Variants in PPP1R15B observed in about 807,000 individuals in gnomAD.
The protein encoded by PPP1R15B is protein phosphatase 1, regulatory (inhibitor) subunit 15B.
PPP1R15B carries 31 observed loss-of-function variants against 53.9 expected under a neutral mutation model. That is an observed-to-expected ratio of 0.58 (90% CI 0.43 to 0.78). The LOEUF (loss-of-function observed/expected upper bound fraction) is 0.78, where lower values mean the gene tolerates loss of function less well. Ranked by LOEUF, PPP1R15B falls within the 30% of genes least tolerant of loss-of-function variation. The pLI is 0.00. For missense variants in PPP1R15B, 928 were observed against 849.6 expected (o/e 1.09, Z -1.15); for synonymous variants, 345 against 329.1 (o/e 1.05, Z -0.52).
Position 204,411,289 on chromosome 1 carries a change from G to C in PPP1R15B, c.123C>G (p.Gly41=), listed in dbSNP as rs375090855. The part of the protein sequence containing the change: ...AGSSKFPTPL[G]PENSGNPTLL... Reference sequence around the variant, plus strand: ...GTGTGGGGTTCCCGGAGTTTTCCGGGCCAAGAGGCGTCGGGAACTTAGAAG... The same window carrying C: ...GTGTGGGGTTCCCGGAGTTTTCCGGCCCAAGAGGCGTCGGGAACTTAGAAG... The change falls in exon 1 of 2, where the codon GGC becomes GGG. Residue 41 remains glycine, a synonymous_variant. Transcript: ENST00000367188. 1 of 1,614,216 alleles carries C rather than the reference G, an allele frequency of 6.2e-7. No homozygotes were observed.
Position 204,410,114 on chromosome 1 carries a change from G to A in PPP1R15B, c.1298C>T (p.Ala433Val), listed in dbSNP as rs1674339437. 6.2e-7 allele frequency: 1 copy of A among 1,614,026 alleles called. No individual in the cohort carries two copies. Among genetic ancestry groups the A allele is most frequent in the South Asian group, 1.1e-5 (1 of 91,080 alleles). The stretch of plus-strand genomic sequence containing the variant: ...AGAACTTGTTTCCAGGTCACTGGAT[G>A]CACCTCCCAAAATATAATCTATCAG... ...NKLIDYILGG[A>V]SSDLETSSDP... is the part of the protein sequence containing the mutation. The change falls in exon 1 of 2, where the codon GCA becomes GTA. Residue 433 changes from alanine to valine, a missense_variant. Transcript: ENST00000367188.
At chr1:204,398,228 G>A (rs1000888201), downstream of PPP1R15B, among the ~76,000 whole-genome samples, 15 of 152,104 alleles carry the variant, frequency 9.9e-5, no homozygotes, top group East Asian at 1.9e-4. Flanking sequence ...CTGTAATCGC[G>A]ACACTTTGGG....
At chr1:204,406,909 C>T (rs1456874880) in intron 1 of PPP1R15B, among the ~76,000 whole-genome samples, 1 of 150,958 alleles carries the variant, frequency 6.6e-6, no homozygotes, top group African/African-American at 2.5e-5. Context: ...CCCCCCAATC[C>T]CCCACCAGCC....
downstream of PPP1R15B, among the ~76,000 whole-genome samples, chr1:204,401,813 C>T (rs1043045345): frequency 6.6e-6 from 1 of 152,092 alleles, no homozygotes; most frequent in Non-Finnish European, 1.5e-5. Context: ...CCCAGCTACT[C>T]AGAAGGCTGA....
Position 204,406,114 on chromosome 1 carries a change from A to C in PPP1R15B, c.2120T>G (p.Leu707Arg). The part of the protein sequence containing the change: ...NRLQGTCFKG[L>R]NVLKQC ...AACTCAACATTGCTTGAGAACATTA[A>C]GTCCTTTGAAGCATGTTCCCTGGAG... Residue 707 changes from leucine (L) to arginine (R), a missense_variant, in exon 2 of 2, where the codon CTT becomes CGT. Coordinates refer to ENST00000367188, the MANE Select transcript of PPP1R15B (RefSeq NM_032833.5). 1 of 1,614,136 alleles carries C rather than the reference A, an allele frequency of 6.2e-7. No individual in the cohort carries two copies. The highest frequency in any genetic ancestry group is 8.5e-7 in the Non-Finnish European group (1 of 1,180,016).
In PPP1R15B at chr1:204,411,403, C is replaced by G; in HGVS notation, c.9G>C (p.Pro3=). The G allele has an allele frequency of 6.2e-7, 1 of 1,611,732 alleles. No homozygotes were observed. Among genetic ancestry groups the G allele is most frequent in the Non-Finnish European group, 8.5e-7 (1 of 1,179,734 alleles). ...GCCGTTTCCGCGATCCGCCTGTCCC[C>G]GGCTCCATCTCCTTTTTCTTGACAG... ME[P]GTGGSRKRLG... is the part of the protein sequence containing the mutation. The change falls in exon 1 of 2, where the codon CCG becomes CCC. Residue 3 remains proline, a synonymous_variant. Coordinates refer to ENST00000367188, the MANE Select transcript of PPP1R15B (RefSeq NM_032833.5).
At position 204,411,337 on chromosome 1, in the gene PPP1R15B, G is replaced by A. The variant is rs1389800391; in HGVS notation, c.75C>T (p.Phe25=). The change falls in exon 1 of 2, where the codon TTC becomes TTT. Residue 25 remains phenylalanine (F), a synonymous_variant. Coordinates refer to ENST00000367188, the MANE Select transcript of PPP1R15B (RefSeq NM_032833.5). ...AAGAGCCTGCTTGCGATCGCCGAGG[G>A]AAAAAGGGTGGCCAGAACCGGAAGC... is the stretch of plus-strand genomic sequence containing the variant. ...RAGFRFWPPF[F]PRRSQAGSSK... The A allele has an allele frequency of 1.2e-6, 2 of 1,613,964 alleles. No individual in the cohort carries two copies. Among genetic ancestry groups the A allele is most frequent in the Admixed American group, 1.7e-5 (1 of 59,960 alleles).
At chr1:204,401,168 A>C (rs892573198), downstream of PPP1R15B, among the ~76,000 whole-genome samples, 7 of 152,256 alleles carry the variant, frequency 4.6e-5, no homozygotes, top group African/African-American at 1.7e-4. Context: ...TTCTCTTTAA[A>C]TTCCCTGATG....
At chr1:204,406,903 C>A (rs1004969330) in intron 1 of PPP1R15B, among the ~76,000 whole-genome samples, 13 of 152,062 alleles carry the variant, frequency 8.5e-5, no homozygotes, top group Admixed American at 3.9e-4. Flanking sequence ...TCTGCCCCCC[C>A]CAATCCCCCA....
At chr1:204,398,655 C>T (rs1273908049), downstream of PPP1R15B, among the ~76,000 whole-genome samples, 1 of 152,120 alleles carries the variant, frequency 6.6e-6, no homozygotes, top group African/African-American at 2.4e-5. Flanking sequence ...AGGGACCCAC[C>T]TCCAGGGGAG....
At position 204,411,678 on chromosome 1, in the gene PPP1R15B, G is replaced by A. The variant is rs888925956; in HGVS notation, c.-267C>T. ...AAGGAGGTTCCCTAGTCGGCTCGAC[G>A]CTTCAACACCATGGATAGGAGTCCC... On this transcript the variant is annotated 5_prime_UTR_variant, in exon 1 of 2. Coordinates refer to ENST00000367188, the MANE Select transcript of PPP1R15B (RefSeq NM_032833.5). 66 of 562,842 alleles carry A rather than the reference G, an allele frequency of 1.2e-4. No homozygotes were observed. Among genetic ancestry groups the A allele is most frequent in the Non-Finnish European group, 2.0e-4 (64 of 316,332 alleles). The allele number at this position is 562,842 out of a possible 1,614,324, so 34.9% of individuals were successfully genotyped here.
At chr1:204,406,706 C>T (rs1674270418) in intron 1 of PPP1R15B, among the ~76,000 whole-genome samples, 1 of 151,436 alleles carries the variant, frequency 6.6e-6, no homozygotes, top group Non-Finnish European at 1.5e-5. Flanking sequence ...GAGCCAATAT[C>T]GCGCCACTAC....
intron 1 of PPP1R15B, among the ~76,000 whole-genome samples, chr1:204,406,520 C>T (rs1182873807): frequency 6.6e-6 from 1 of 152,068 alleles, no homozygotes; most frequent in African/African-American, 2.4e-5. Flanking sequence ...GAGGCGGAAG[C>T]AGGCGGATCA....
At position 204,403,573 on chromosome 1, in the gene PPP1R15B, T is replaced by C. The variant is rs1674214627; in HGVS notation, c.*2519A>G. ...ATACAAAAATAAAATCTGATAGTTT[T>C]GATTTCAAGTTAAAGATGAAGAAGT... is the stretch of plus-strand genomic sequence containing the variant. On this transcript the variant is annotated 3_prime_UTR_variant, in exon 2 of 2. Transcript: ENST00000367188. 1.0e-6 allele frequency: 1 copy of C among 984,094 alleles called. No individual in the cohort carries two copies. The allele number at this position is 984,094 out of a possible 1,614,324, so 61.0% of individuals were successfully genotyped here.
chr1:204,397,890 G>A (rs200571800), downstream of PPP1R15B, among the ~76,000 whole-genome samples: 1,134 of 100,416 alleles, frequency 0.011, 10 homozygotes, highest in Non-Finnish European at 0.021. Flanking sequence ...AATAATGCTA[G>A]CTTTTCAAAA....
Position 204,405,128 on chromosome 1 carries a change from T to A in PPP1R15B, c.*964A>T. ...AAGTGACAGTGCTGAGGCATGATAT[T>A]CATTAACACTGGTTTTCTGTTGAGA... On this transcript the variant is annotated 3_prime_UTR_variant, in exon 2 of 2. Coordinates refer to ENST00000367188, the MANE Select transcript of PPP1R15B (RefSeq NM_032833.5). 1 of 985,838 alleles carries A rather than the reference T, an allele frequency of 1.0e-6. No individual in the cohort carries two copies. The highest frequency in any genetic ancestry group is 1.2e-6 in the Non-Finnish European group (1 of 829,886). The allele number at this position is 985,838 out of a possible 1,614,324, so 61.1% of individuals were successfully genotyped here.
downstream of PPP1R15B, among the ~76,000 whole-genome samples, chr1:204,400,454 C>A (rs535787498): frequency 9.9e-5 from 15 of 151,618 alleles, no homozygotes; most frequent in African/African-American, 3.6e-4. Context: ...GGACTACAGG[C>A]ATGCACTACC....
chr1:204,402,825 G>C (rs1166560229), downstream of PPP1R15B, among the ~76,000 whole-genome samples: 1 of 151,998 alleles, frequency 6.6e-6, no homozygotes, highest in Non-Finnish European at 1.5e-5. Flanking sequence ...TGTAATCCCA[G>C]CACTTTGGGA....
At chr1:204,400,499 T>G (rs1674158224), downstream of PPP1R15B, among the ~76,000 whole-genome samples, 1 of 150,476 alleles carries the variant, frequency 6.6e-6, no homozygotes, top group African/African-American at 2.4e-5. Context: ...TTTTTTTTTT[T>G]GTATTTTTTG....
Sources: gnomAD v4.1 joint callset for allele counts (sites outside exome capture counted in the v4.1 genomes callset) on GRCh38, gnomAD v4.1.1 for gene constraint, MANE v1.5 for transcripts, NCBI Gene and HGNC (gene_info 2026-07-23, HGNC 2026-07-21) for gene names.